The following NUDT6 variants were observed in gnomAD, a reference collection of about 807,000 sequenced individuals.
NUDT6 encodes the protein FAD diphosphatase NUDT6.
Under a neutral mutation model 36.8 loss-of-function variants are expected in NUDT6, and 24 were observed. The ratio of observed to expected loss-of-function variants is 0.65; its 90% CI spans 0.47 to 0.92. The LOEUF (loss-of-function observed/expected upper bound fraction) is 0.92, where lower values mean the gene tolerates loss of function less well. NUDT6 is among the 40% of genes least tolerant of loss of function. NUDT6 has a pLI of 0.00. For missense variants in NUDT6, 388 were observed against 392.8 expected (o/e 0.99, Z 0.10); for synonymous variants, 163 against 157.0 (o/e 1.04, Z -0.29).
chr4:122,910,366 C>G (rs1578496572), intron 3 of NUDT6, among the ~76,000 whole-genome samples: 1 of 152,110 alleles, frequency 6.6e-6, no homozygotes, highest in South Asian at 2.1e-4. Flanking sequence ...AGGAAAGCTC[C>G]TTTTTTTCCA....
rs1727395149 is a variant in NUDT6, at chr4:122,897,404, G to A, written c.553+220C>T. On this transcript the variant is annotated intron_variant, in intron 4 of 4. Transcript: ENST00000304430. ...AGCAGTCATAAACAGAAGAATAGGT[G>A]GTATGTTCCTAATGATATTATTTCT... 7.3e-6 allele frequency: 4 copies of A among 546,678 alleles called. No individual in the cohort carries two copies. In the Admixed American group the frequency reaches 1.3e-4, roughly 18 times the overall value. 33.9% of individuals were successfully genotyped at this position (546,678 alleles called of 1,614,324 possible).
upstream of NUDT6, chr4:122,922,696 T>C (rs750985967): frequency 3.8e-5 from 31 of 815,512 alleles, no homozygotes; most frequent in Non-Finnish European, 5.7e-5. Flanking sequence ...GTTACCACTC[T>C]GCAGAGCTAT....
At chr4:122,902,952 A>G (rs1458252146) in intron 3 of NUDT6, among the ~76,000 whole-genome samples, 2 of 152,218 alleles carry the variant, frequency 1.3e-5, no homozygotes, top group East Asian at 3.8e-4. Flanking sequence ...TGGCTTGGAT[A>G]TCTGAAAAGA....
At chr4:122,902,823 A>G (rs7675736) in intron 3 of NUDT6, among the ~76,000 whole-genome samples, 8,126 of 150,516 alleles carry the variant, frequency 0.054, 520 homozygotes, top group African/African-American at 0.16. Flanking sequence ...GTGAATGTCA[A>G]TTTAGATATG....
rs186994754 is a variant in NUDT6, at chr4:122,907,060, G to A, written c.498+5508C>T. On this transcript the variant is annotated intron_variant, in intron 3 of 4. Transcript: ENST00000304430. ...CAACACTTGTTTAGCATATACTCAA[G>A]AAATAACTCTAAGTATCCTTAGTGG... is the stretch of plus-strand genomic sequence containing the variant. Among the ~76,000 whole-genome samples the A allele has an allele frequency of 7.4e-4, 113 of 152,308 alleles. 1 individual carries two copies. The highest frequency in any genetic ancestry group is 7.4e-3 in the Admixed American group (113 of 15,302).
intron 1 of NUDT6, chr4:122,920,072 T>C (rs1727935797): frequency 6.6e-6 from 1 of 152,222 alleles, no homozygotes; most frequent in African/African-American, 2.4e-5. Flanking sequence ...TAACAAAACA[T>C]CAATAGTTCA....
chr4:122,915,483 A>ACAAACAAACAAAC (rs1553952474), intron 2 of NUDT6, among the ~76,000 whole-genome samples: 1 of 42,888 alleles, frequency 2.3e-5, no homozygotes, highest in Non-Finnish European at 1.2e-4. Flanking sequence ...AAAAAAAAAA[A>ACAAACAAACAAAC]AAAAAAAAAA....
intron 2 of NUDT6, among the ~76,000 whole-genome samples, chr4:122,914,094 G>A (rs948156922): frequency 5.3e-5 from 8 of 151,980 alleles, no homozygotes; most frequent in African/African-American, 1.9e-4. Context: ...TTCACATTCT[G>A]GTATGTGTGT....
chr4:122,908,194 G>C (rs1727662980), intron 3 of NUDT6, among the ~76,000 whole-genome samples: 1 of 152,002 alleles, frequency 6.6e-6, no homozygotes, highest in African/African-American at 2.4e-5. Flanking sequence ...TTGGAGTTTA[G>C]TCACAACTGA....
intron 2 of NUDT6, among the ~76,000 whole-genome samples, chr4:122,916,401 A>C (rs1424485466): frequency 1.3e-5 from 2 of 152,214 alleles, no homozygotes; most frequent in African/African-American, 2.4e-5. Context: ...AATAATGTAA[A>C]TATTATTAAG....
chr4:122,903,433 A>G (rs976233136), intron 3 of NUDT6, among the ~76,000 whole-genome samples: 1 of 152,206 alleles, frequency 6.6e-6, no homozygotes, highest in Non-Finnish European at 1.5e-5. Flanking sequence ...GTGGTTCTCA[A>G]ACTTTACATC....
At chr4:122,921,619 C>CAAAA (rs758469782) in intron 1 of NUDT6, 1 of 48,010 alleles carries the variant, frequency 2.1e-5, no homozygotes, top group Non-Finnish European at 5.0e-5. Flanking sequence ...AAAAAAAAAA[C>CAAAA]AAACTGTACA....
rs1056434727 is a variant in NUDT6, at chr4:122,922,548, G to C, written c.25C>G (p.Arg9Gly). The C allele has an allele frequency of 1.9e-6, 3 of 1,602,344 alleles. No individual in the cohort carries two copies. Among genetic ancestry groups the C allele is most frequent in the Non-Finnish European group, 2.5e-6 (3 of 1,177,402 alleles). MRQPLSWG[R>G]WRAMLARTYG... ...GTTCGGGCAAGCATCGCGCGCCAGCGGCCCCAGCTCAGTGGCTGCCGCATC... is the reference window on the plus strand; with the variant it reads ...GTTCGGGCAAGCATCGCGCGCCAGCCGCCCCAGCTCAGTGGCTGCCGCATC... Residue 9 changes from arginine to glycine, a missense_variant, in exon 1 of 5, where the codon CGC becomes GGC. Transcript: ENST00000304430.
chr4:122,906,229 T>C (rs940136998), intron 3 of NUDT6, among the ~76,000 whole-genome samples: 2 of 152,212 alleles, frequency 1.3e-5, no homozygotes, highest in East Asian at 1.9e-4. Flanking sequence ...TCTCTTTAAA[T>C]GGTGCCATGG....
chr4:122,922,287 T>C (rs775770935), intron 1 of NUDT6, 48 bp downstream of exon 1: 1 of 1,517,556 alleles, frequency 6.6e-7, no homozygotes, highest in South Asian at 1.2e-5. Context: ...GTTATTTCAT[T>C]AGAAAAGCTC....
intron 2 of NUDT6, among the ~76,000 whole-genome samples, chr4:122,915,015 C>T (rs1553952445): frequency 6.6e-6 from 1 of 152,080 alleles, no homozygotes; most frequent in Non-Finnish European, 1.5e-5. Flanking sequence ...TCACTTCTAA[C>T]AGAAGGGTCA....
At chr4:122,922,958 C>G (rs1431479243), upstream of NUDT6, 1 of 683,324 alleles carries the variant, frequency 1.5e-6, no homozygotes, top group Non-Finnish European at 2.5e-6. Flanking sequence ...ACAGCTGTTT[C>G]AAAGACTGCT....
chr4:122,917,806 G>T, intron 1 of NUDT6, 102 bp from the exon 2 acceptor site: 1 of 963,848 alleles, frequency 1.0e-6, no homozygotes, highest in Non-Finnish European at 1.5e-6. Context: ...CCATCTTTAA[G>T]CAAAAGAGGT....
chr4:122,916,716 A>G (rs1360205452), intron 2 of NUDT6, among the ~76,000 whole-genome samples: 3 of 152,248 alleles, frequency 2.0e-5, no homozygotes, highest in Non-Finnish European at 2.9e-5. Flanking sequence ...TAAAAGCACT[A>G]TGTAATAGAT....
Sources: allele counts gnomAD v4.1 joint callset (sites outside exome capture counted in the v4.1 genomes callset), GRCh38; gene constraint gnomAD v4.1.1; transcripts MANE v1.5; gene names NCBI Gene and HGNC (gene_info 2026-07-23, HGNC 2026-07-21).